The following CCSER1 variants were observed in gnomAD, a reference collection of about 807,000 sequenced individuals.
CCSER1 encodes the protein coiled-coil serine rich protein 1.
Under a neutral mutation model 82.0 loss-of-function variants are expected in CCSER1, and 41 were observed. The ratio of observed to expected loss-of-function variants is 0.50; its 90% CI spans 0.39 to 0.65. CCSER1 has a LOEUF of 0.65. Ranked by LOEUF, CCSER1 falls within the 30% of genes least tolerant of loss-of-function variation. The pLI is 0.00. For synonymous variants in CCSER1, 414 were observed against 383.9 expected (o/e 1.08, Z -0.92); for missense variants, 1,119 against 1,064.2 (o/e 1.05, Z -0.72).
intron 10 of CCSER1, among the ~76,000 whole-genome samples, chr4:91,479,963 A>G (rs371552655): frequency 2.3e-5 from 3 of 129,658 alleles, no homozygotes; most frequent in Middle Eastern, 4.0e-3. Context: ...TCATTGTTCA[A>G]TTCCCACCTA....
chr4:90,995,648 A>G (rs1737427019), intron 9 of CCSER1, among the ~76,000 whole-genome samples: 3 of 152,128 alleles, frequency 2.0e-5, no homozygotes, highest in Admixed American at 2.0e-4. Context: ...TTAAAGTTAT[A>G]TTACTTTTTA....
At position 90,841,733 on chromosome 4, in the gene CCSER1, A is replaced by G. The variant is rs541534516; in HGVS notation, c.2094+25888A>G. Among the ~76,000 whole-genome samples, 19 of 152,236 alleles carry G rather than the reference A, an allele frequency of 1.2e-4. No individual in the cohort carries two copies. In the South Asian group the frequency reaches 3.9e-3, roughly 32 times the overall value. ...TCTATTCTGTAGACTTTCAAAAGCT[A>G]GGTTGAATCTTTTCACATTATAAAT... is the stretch of plus-strand genomic sequence containing the variant. On this transcript the variant is annotated intron_variant, in intron 8 of 10. Coordinates refer to ENST00000509176, the MANE Select transcript of CCSER1 (RefSeq NM_001145065.2).
Position 91,012,962 on chromosome 4 carries a change from G to A in CCSER1, c.2173-72988G>A, listed in dbSNP as rs969088691. On this transcript the variant is annotated intron_variant, in intron 9 of 10. Coordinates refer to ENST00000509176, the MANE Select transcript of CCSER1 (RefSeq NM_001145065.2). ...CTGGTTCCAAACTGACCCTGGCAGG[G>A]GGATGGGGTGGTTGAGGCCAAGTGT... 6.0e-5 allele frequency among the ~76,000 whole-genome samples: 8 copies of A among 134,314 alleles called. 2 individuals are homozygous for A. In the South Asian group the frequency reaches 1.9e-3, roughly 33 times the overall value. 88.1% of individuals were successfully genotyped at this position (134,314 alleles called of 152,430 possible).
At chr4:90,457,165 G>A (rs1168021817) in intron 4 of CCSER1, among the ~76,000 whole-genome samples, 2 of 152,168 alleles carry the variant, frequency 1.3e-5, no homozygotes, top group Non-Finnish European at 2.9e-5. Context: ...TGGACCAGGT[G>A]TACCGCAAGT....
intron 10 of CCSER1, among the ~76,000 whole-genome samples, chr4:91,450,925 G>A (rs536665056): frequency 6.6e-6 from 1 of 151,974 alleles, no homozygotes; most frequent in Non-Finnish European, 1.5e-5. Flanking sequence ...GAAACATCAG[G>A]CAAAAGGGTC....
intron 10 of CCSER1, among the ~76,000 whole-genome samples, chr4:91,289,611 G>A (rs1429700151): frequency 2.0e-5 from 3 of 151,932 alleles, no homozygotes; most frequent in African/African-American, 7.2e-5. Context: ...CACAGCCAAG[G>A]AGAGAATTAT....
chr4:90,243,190 A>G (rs935820979), intron 1 of CCSER1, among the ~76,000 whole-genome samples: 6 of 150,664 alleles, frequency 4.0e-5, no homozygotes, highest in African/African-American at 7.3e-5. Context: ...CAGCCTCCCA[A>G]GCAGCTAGGA....
chr4:91,412,672 A>G (rs896008100), intron 10 of CCSER1, among the ~76,000 whole-genome samples: 2 of 152,052 alleles, frequency 1.3e-5, no homozygotes, highest in African/African-American at 4.8e-5. Context: ...CCACCAGACA[A>G]TTATCTTTTA....
intron 5 of CCSER1, among the ~76,000 whole-genome samples, chr4:90,478,347 C>T (rs1334027164): frequency 6.6e-6 from 1 of 152,108 alleles, no homozygotes. Context: ...TCTTCATTCT[C>T]TCTCACTAGA....
chr4:90,745,377 C>A (rs1461071094), intron 7 of CCSER1, among the ~76,000 whole-genome samples: 1 of 152,216 alleles, frequency 6.6e-6, no homozygotes, highest in Non-Finnish European at 1.5e-5. Context: ...CAGGAAAATT[C>A]TATTACAAGG....
intron 4 of CCSER1, among the ~76,000 whole-genome samples, chr4:90,404,282 C>T (rs984328048): frequency 6.6e-6 from 1 of 152,072 alleles, no homozygotes; most frequent in Non-Finnish European, 1.5e-5. Context: ...GGGAACCACA[C>T]CCCCATTCCC....
intron 10 of CCSER1, among the ~76,000 whole-genome samples, chr4:91,116,451 G>A (rs1426165459): frequency 6.6e-6 from 1 of 152,084 alleles, no homozygotes; most frequent in Non-Finnish European, 1.5e-5. Context: ...ATCCCTGCTA[G>A]GTAATTTACT....
intron 10 of CCSER1, among the ~76,000 whole-genome samples, chr4:91,593,377 T>G (rs1764356528): frequency 6.6e-6 from 1 of 151,968 alleles, no homozygotes; most frequent in Non-Finnish European, 1.5e-5. Flanking sequence ...GAAAAATAAT[T>G]TTGTATACAG....
At chr4:90,691,524 T>C (rs546268105) in intron 6 of CCSER1, among the ~76,000 whole-genome samples, 299 of 150,566 alleles carry the variant, frequency 2.0e-3, no homozygotes, top group Non-Finnish European at 3.6e-3. Context: ...CATGTGTACA[T>C]ATCACACGTA....
intron 5 of CCSER1, among the ~76,000 whole-genome samples, chr4:90,517,216 T>C: frequency 6.6e-6 from 1 of 152,176 alleles, no homozygotes; most frequent in African/African-American, 2.4e-5. Context: ...TGAACTGAAA[T>C]TGAAAAACAG....
intron 8 of CCSER1, among the ~76,000 whole-genome samples, chr4:90,845,304 G>A (rs1763082222): frequency 6.7e-6 from 1 of 148,192 alleles, no homozygotes; most frequent in Non-Finnish European, 1.5e-5. Context: ...AGAGGTTGCA[G>A]TGAACCTAGA....
chr4:90,571,459 G>A (rs1780108659), intron 5 of CCSER1, among the ~76,000 whole-genome samples: 1 of 152,130 alleles, frequency 6.6e-6, no homozygotes, highest in African/African-American at 2.4e-5. Context: ...GTGGCTGGAG[G>A]TCATTGTCAT....
chr4:90,156,744 T>C (rs549417081), intron 1 of CCSER1, among the ~76,000 whole-genome samples: 12 of 152,254 alleles, frequency 7.9e-5, no homozygotes, highest in African/African-American at 2.9e-4. Flanking sequence ...TCCTCTATCC[T>C]TTTATTTTGA....
Position 91,013,267 on chromosome 4 carries a change from A to G in CCSER1, c.2173-72683A>G, listed in dbSNP as rs533887526. Reference sequence around the variant, plus strand: ...TGTATCGTGTTAAGATAAGGGTCCAATTTTTTCTTTTGTATGTAAATATTT... The same window carrying G: ...TGTATCGTGTTAAGATAAGGGTCCAGTTTTTTCTTTTGTATGTAAATATTT... On this transcript the variant is annotated intron_variant, in intron 9 of 10. Coordinates refer to ENST00000509176, the MANE Select transcript of CCSER1 (RefSeq NM_001145065.2). 1.1e-4 allele frequency among the ~76,000 whole-genome samples: 14 copies of G among 132,758 alleles called. 4 individuals are homozygous for G. Among genetic ancestry groups the G allele is most frequent in the East Asian group, 2.4e-4 (1 of 4,114 alleles). The allele number at this position is 132,758 out of a possible 152,430, so 87.1% of individuals were successfully genotyped here.
Sources: gnomAD v4.1 joint callset for allele counts (sites outside exome capture counted in the v4.1 genomes callset) on GRCh38, gnomAD v4.1.1 for gene constraint, MANE v1.5 for transcripts, NCBI Gene and HGNC (gene_info 2026-07-23, HGNC 2026-07-21) for gene names.